Variants in TMEM144 observed in about 807,000 individuals in gnomAD.
TMEM144 encodes the protein transmembrane protein 144.
In TMEM144, 39 loss-of-function variants were observed where a neutral mutation model predicts 43.6. The ratio of observed to expected loss-of-function variants is 0.90; its 90% CI spans 0.69 to 1.17. The LOEUF (loss-of-function observed/expected upper bound fraction) is 1.17, where lower values mean the gene tolerates loss of function less well. TMEM144 is among the 50% of genes most tolerant of loss of function. The pLI is 0.00. For missense variants in TMEM144, 417 were observed against 411.9 expected (o/e 1.01, Z -0.11); for synonymous variants, 154 against 133.6 (o/e 1.15, Z -1.06).
intron 8 of TMEM144, among the ~76,000 whole-genome samples, chr4:158,236,318 T>A (rs928047375): frequency 6.6e-6 from 1 of 152,238 alleles, no homozygotes; most frequent in African/African-American, 2.4e-5. Context: ...GAAATAAATA[T>A]GTTGCTGGTT....
At chr4:158,242,206 C>T (rs536497452) in intron 11 of TMEM144, among the ~76,000 whole-genome samples, 2 of 152,308 alleles carry the variant, frequency 1.3e-5, no homozygotes, top group South Asian at 4.1e-4. Context: ...GGAAGCAAAG[C>T]CTTCTCACTC....
chr4:158,220,573 C>G (rs1256165288), intron 6 of TMEM144, among the ~76,000 whole-genome samples: 1 of 152,224 alleles, frequency 6.6e-6, no homozygotes, highest in East Asian at 1.9e-4. Context: ...CTTCAGTTCT[C>G]CAAGCTTTGG....
At chr4:158,244,731 T>C (rs1735803077) in intron 12 of TMEM144, among the ~76,000 whole-genome samples, 1 of 152,178 alleles carries the variant, frequency 6.6e-6, no homozygotes. Context: ...GTTTGTGTTA[T>C]TATCTGAAAA....
chr4:158,228,480 T>C (rs1734889667), intron 6 of TMEM144, among the ~76,000 whole-genome samples: 1 of 152,190 alleles, frequency 6.6e-6, no homozygotes, highest in Non-Finnish European at 1.5e-5. Flanking sequence ...CAAAGACTAG[T>C]CTTACCAAGT....
At chr4:158,223,639 A>T (rs773998779) in intron 6 of TMEM144, among the ~76,000 whole-genome samples, 8 of 152,046 alleles carry the variant, frequency 5.3e-5, no homozygotes, top group Non-Finnish European at 1.0e-4. Flanking sequence ...TTTAACTCCA[A>T]CTTATGAGTG....
At chr4:158,235,338 C>A in intron 7 of TMEM144, 100 bp from the exon 8 acceptor site, 1 of 1,200,914 alleles carries the variant, frequency 8.3e-7, no homozygotes, top group Admixed American at 2.0e-5. Context: ...TATTTTAAAG[C>A]ATGTTTGAAA....
At position 158,210,550 on chromosome 4, in the gene TMEM144, GAGT is replaced by G. The variant is rs1678453863; in HGVS notation, c.-216_-214del. 6.6e-6 allele frequency: 1 copy of G among 152,302 alleles called. No homozygotes were observed. Among genetic ancestry groups the G allele is most frequent in the African/African-American group, 2.4e-5 (1 of 41,482 alleles). The allele number at this position is 152,302 out of a possible 1,614,324, so 9.4% of individuals were successfully genotyped here. A position where few individuals can be genotyped will look rare whatever the true frequency, so the allele number is the denominator to read the frequency against. ...GTAGTGGGCGGATCGCGCCGGCGCT[GAGT>G]AGGAAGGAGCTTCAGCCGCCAGCCC... On this transcript the variant is annotated 5_prime_UTR_variant, in exon 1 of 13. Transcript: ENST00000296529.
Position 158,240,415 on chromosome 4 carries a change from C to T in TMEM144, c.799C>T (p.Pro267Ser), listed in dbSNP as rs143954730. The part of the protein sequence containing the change: ...SPKLYPEAVL[P>S]GFLSGVLWAI... The stretch of plus-strand genomic sequence containing the variant: ...TAAACTATATCCTGAAGCAGTCCTA[C>T]CAGGTAAGAATATGTACTACAGATC... The change falls in exon 10 of 13, where the codon CCA becomes TCA. Residue 267 changes from proline (P) to serine (S), a missense_variant. Physicochemically the swap from Pro to Ser is moderately conservative, Grantham distance 74. Transcript: ENST00000296529. 6.2e-7 allele frequency: 1 copy of T among 1,606,876 alleles called. No individual in the cohort carries two copies. Among genetic ancestry groups the T allele is most frequent in the African/African-American group, 1.3e-5 (1 of 74,488 alleles).
At chr4:158,217,811 G>C (rs1734304278) in intron 5 of TMEM144, among the ~76,000 whole-genome samples, 1 of 152,184 alleles carries the variant, frequency 6.6e-6, no homozygotes, top group Non-Finnish European at 1.5e-5. Flanking sequence ...ACTTACTGTA[G>C]GTCACAGAAC....
At chr4:158,214,658 T>C (rs764223919) in intron 3 of TMEM144, among the ~76,000 whole-genome samples, 1 of 152,214 alleles carries the variant, frequency 6.6e-6, no homozygotes, top group East Asian at 1.9e-4. Flanking sequence ...CGACTCATCA[T>C]AGGCATTGAA....
chr4:158,210,721 C>A (rs907710474), intron 1 of TMEM144, 135 bp downstream of exon 1: 1 of 152,148 alleles, frequency 6.6e-6, no homozygotes, highest in Non-Finnish European at 1.5e-5. Flanking sequence ...TAATTTTAGC[C>A]CAAAGACAGG....
intron 5 of TMEM144, among the ~76,000 whole-genome samples, chr4:158,219,025 A>G (rs1734376286): frequency 6.6e-6 from 1 of 152,092 alleles, no homozygotes; most frequent in Non-Finnish European, 1.5e-5. Flanking sequence ...AGGCAGGAGA[A>G]TAGGTTGAAT....
chr4:158,249,887 GGTGTGTGTGTGTGTGTGTGTGT>G (rs149144602), intron 12 of TMEM144, among the ~76,000 whole-genome samples: 10 of 134,532 alleles, frequency 7.4e-5, no homozygotes, highest in South Asian at 2.5e-4. Context: ...CCTACTGCCA[GGTGTGTGTGTGTGTGTGTGTGT>G]GTGTGTGTGT....
intron 6 of TMEM144, among the ~76,000 whole-genome samples, chr4:158,229,859 A>G (rs1313873164): frequency 6.6e-6 from 1 of 152,238 alleles, no homozygotes; most frequent in African/African-American, 2.4e-5. Flanking sequence ...CGGCAGTGGA[A>G]AAGCATGGCC....
At chr4:158,244,912 G>A (rs1464211706) in intron 12 of TMEM144, among the ~76,000 whole-genome samples, 1 of 152,076 alleles carries the variant, frequency 6.6e-6, no homozygotes, top group African/African-American at 2.4e-5. Flanking sequence ...TGCTGTCGTT[G>A]ACTTAAATTT....
At chr4:158,232,000 A>G (rs555623674) in intron 6 of TMEM144, among the ~76,000 whole-genome samples, 25 of 152,368 alleles carry the variant, frequency 1.6e-4, no homozygotes, top group African/African-American at 5.8e-4. Context: ...AGTGTCATAT[A>G]TGCTTTGAAA....
intron 6 of TMEM144, among the ~76,000 whole-genome samples, chr4:158,231,414 G>A (rs936489868): frequency 2.6e-5 from 4 of 152,130 alleles, no homozygotes; most frequent in Non-Finnish European, 5.9e-5. Flanking sequence ...TACTCAGCAC[G>A]CCGAAGTGCC....
intron 5 of TMEM144, among the ~76,000 whole-genome samples, chr4:158,217,788 A>G (rs1232896032): frequency 6.6e-6 from 1 of 152,196 alleles, no homozygotes; most frequent in Non-Finnish European, 1.5e-5. Flanking sequence ...AGTAGATAAA[A>G]AGAGATTAAG....
intron 7 of TMEM144, chr4:158,233,415 T>C (rs1735186599): frequency 6.6e-6 from 1 of 152,510 alleles, no homozygotes; most frequent in Admixed American, 6.5e-5. Flanking sequence ...TGGTATCCCA[T>C]TCTACCCGAA....
Sources: gnomAD v4.1 joint callset for allele counts (sites outside exome capture counted in the v4.1 genomes callset) on GRCh38, gnomAD v4.1.1 for gene constraint, MANE v1.5 for transcripts, NCBI Gene and HGNC (gene_info 2026-07-23, HGNC 2026-07-21) for gene names.